PICALM: variants seen among roughly 807,000 people sequenced by gnomAD.
The protein encoded by PICALM is phosphatidylinositol binding clathrin assembly protein, also known as phosphatidylinositol-binding clathrin assembly protein.
PICALM carries 40 observed loss-of-function variants against 80.5 expected under a neutral mutation model. The ratio of observed to expected loss-of-function variants is 0.50; its 90% CI spans 0.39 to 0.65. The LOEUF (loss-of-function observed/expected upper bound fraction) is 0.65, where lower values mean the gene tolerates loss of function less well. Among genes scored for constraint, PICALM ranks in the 30% least tolerant of loss-of-function variants. The probability of loss-of-function intolerance (pLI) is 0.00; values close to 1 mark genes in which losing one functional copy is unlikely to be tolerated. For missense variants in PICALM, 676 were observed against 778.9 expected (o/e 0.87, Z 1.57); for synonymous variants, 288 against 260.3 (o/e 1.11, Z -1.02).
chr11:86,046,805 T>C (rs2096078867), intron 1 of PICALM, among the ~76,000 whole-genome samples: 1 of 152,162 alleles, frequency 6.6e-6, no homozygotes, highest in Non-Finnish European at 1.5e-5. Context: ...ATGCAGCCAA[T>C]TTTTAAATTT....
intron 5 of PICALM, among the ~76,000 whole-genome samples, chr11:86,014,247 T>G (rs1282228611): frequency 6.6e-6 from 1 of 152,150 alleles, no homozygotes; most frequent in East Asian, 1.9e-4. Flanking sequence ...ATTCACTAAC[T>G]TGCACTCACA....
chr11:86,013,071 G>A (rs1261698580), intron 5 of PICALM, among the ~76,000 whole-genome samples: 1 of 152,162 alleles, frequency 6.6e-6, no homozygotes, highest in Non-Finnish European at 1.5e-5. Context: ...TGAGGCCGAG[G>A]CAGGAGGATT....
At chr11:85,963,720 A>G (rs568982497) in intron 19 of PICALM, among the ~76,000 whole-genome samples, 1 of 152,286 alleles carries the variant, frequency 6.6e-6, no homozygotes, top group Admixed American at 6.5e-5. Context: ...TCTTTGCATT[A>G]TATCCAGAGC....
intron 13 of PICALM, 135 bp from the exon 14 acceptor site, chr11:85,984,108 T>C (rs1427045221): frequency 5.3e-6 from 3 of 569,588 alleles, no homozygotes; most frequent in African/African-American, 2.0e-5. Flanking sequence ...TCAAGCAAAA[T>C]GTTTTCTATA....
chr11:86,044,719 A>C (rs1032911269), intron 1 of PICALM, among the ~76,000 whole-genome samples: 1 of 152,218 alleles, frequency 6.6e-6, no homozygotes, highest in Non-Finnish European at 1.5e-5. Flanking sequence ...TGAGCTAGGA[A>C]GCATTACTGC....
intron 19 of PICALM, among the ~76,000 whole-genome samples, chr11:85,960,055 T>G (rs917543441): frequency 6.6e-6 from 1 of 152,130 alleles, no homozygotes; most frequent in Non-Finnish European, 1.5e-5. Flanking sequence ...TGATATACAA[T>G]TAGAGACAAT....
chr11:85,983,882 A>G lies in PICALM; in HGVS notation c.1500T>C (p.Val500=). The change falls in exon 14 of 20, where the codon GTT becomes GTC. Residue 500 remains valine (V), a synonymous_variant. Coordinates refer to ENST00000393346, the MANE Select transcript of PICALM (RefSeq NM_007166.4). ...ESVFGNKSTN[V]IVDSGGFDEL... is the part of the protein sequence containing the mutation. The stretch of plus-strand genomic sequence containing the variant: ...TTTCCTTACCCCCAGAATCTACAAT[A>G]ACATTTGTAGATTTATTTCCAAACA... 2 of 1,531,568 alleles carry G rather than the reference A, an allele frequency of 1.3e-6. No individual in the cohort carries two copies. The highest frequency in any genetic ancestry group is 1.8e-6 in the Non-Finnish European group (2 of 1,109,782). The allele number at this position is 1,531,568 out of a possible 1,614,324, so 94.9% of individuals were successfully genotyped here. A position where few individuals can be genotyped will look rare whatever the true frequency, so the allele number is the denominator to read the frequency against.
rs1555120028 is a variant in PICALM at position 86,037,259 on chromosome 11, A to AAT, written c.131-5649_131-5648insAT. Reference sequence around the variant, plus strand: ...CACACCCAGCCAAAAAAAAAAGAAAATTTTTTTTTTTTTTTTTTGAGACGG... The same window carrying AAT: ...CACACCCAGCCAAAAAAAAAAGAAAAATTTTTTTTTTTTTTTTTTTGAGACGG... On this transcript the variant is annotated intron_variant, in intron 1 of 19. Transcript: ENST00000393346. 1.4e-3 allele frequency among the ~76,000 whole-genome samples: 151 copies of AAT among 106,032 alleles called. 5 individuals carry two copies. The highest frequency in any genetic ancestry group is 2.0e-3 in the Non-Finnish European group (111 of 55,348). The allele number at this position is 106,032 out of a possible 152,430, so 69.6% of individuals were successfully genotyped here. A position where few individuals can be genotyped will look rare whatever the true frequency, so the allele number is the denominator to read the frequency against.
At chr11:85,980,565 CAT>C (rs1313276728) in intron 17 of PICALM, among the ~76,000 whole-genome samples, 1 of 151,926 alleles carries the variant, frequency 6.6e-6, no homozygotes, top group East Asian at 1.9e-4. Flanking sequence ...AGTTATATGA[CAT>C]ATATATAATT....
At chr11:86,027,529 G>A (rs111309964) in intron 2 of PICALM, among the ~76,000 whole-genome samples, 24,331 of 146,210 alleles carry the variant, frequency 0.17, 2,516 homozygotes, top group Middle Eastern at 0.25. Context: ...ACAGGGTCTC[G>A]CTCTGTCATC....
intron 3 of PICALM, among the ~76,000 whole-genome samples, chr11:86,023,835 T>C (rs1169308656): frequency 1.3e-5 from 2 of 152,146 alleles, no homozygotes; most frequent in Non-Finnish European, 2.9e-5. Flanking sequence ...CTGTTTAAGA[T>C]TTCAAAAAGA....
At position 86,029,405 on chromosome 11, in the gene PICALM, T is replaced by C. The variant is rs1421111148; in HGVS notation, c.273+2064A>G. 3.9e-5 allele frequency among the ~76,000 whole-genome samples: 6 copies of C among 152,244 alleles called. No individual in the cohort carries two copies. The South Asian group carries it at 8.3e-4, about 21-fold the overall frequency. On this transcript the variant is annotated intron_variant, in intron 2 of 19. Transcript: ENST00000393346. ...ACAAACTAGCATAAAAACCTGAAGG[T>C]TGTACAAACCAGCATAAAAAATGAA...
intron 1 of PICALM, among the ~76,000 whole-genome samples, chr11:86,038,781 A>C (rs1436735726): frequency 6.6e-6 from 1 of 151,748 alleles, no homozygotes; most frequent in Non-Finnish European, 1.5e-5. Context: ...CATCTCAGAA[A>C]AAAAAAAAAG....
chr11:85,967,325 G>A (rs1283339789), intron 19 of PICALM, among the ~76,000 whole-genome samples: 2 of 152,092 alleles, frequency 1.3e-5, no homozygotes, highest in South Asian at 2.1e-4. Flanking sequence ...CAGGCACCCC[G>A]GACTTTAAGA....
chr11:86,008,653 T>TTTGAG (rs1170850424), intron 7 of PICALM, among the ~76,000 whole-genome samples: 3 of 152,018 alleles, frequency 2.0e-5, no homozygotes, highest in African/African-American at 7.2e-5. Context: ...AAATTCATTA[T>TTTGAG]TACTCAGATG....
chr11:86,040,340 CTCTT>C (rs951764518), intron 1 of PICALM, among the ~76,000 whole-genome samples: 33 of 152,080 alleles, frequency 2.2e-4, no homozygotes, highest in East Asian at 9.6e-4. Context: ...CAGATTACTT[CTCTT>C]TCTAATAACT....
chr11:85,981,856 T>A lies in PICALM; in HGVS notation c.1648+16A>T. ...AACAACATAAAAGAAGATTAACGTA[T>A]CCAAAGACTACTTACTGCCCACAAG... On this transcript the variant is annotated intron_variant, in intron 15 of 19. Transcript: ENST00000393346. 1.2e-6 allele frequency: 2 copies of A among 1,613,124 alleles called. No individual in the cohort carries two copies. The highest frequency in any genetic ancestry group is 2.2e-5 in the South Asian group (2 of 91,078).
intron 1 of PICALM, among the ~76,000 whole-genome samples, chr11:86,035,476 A>G (rs772244795): frequency 6.6e-6 from 1 of 152,212 alleles, no homozygotes; most frequent in African/African-American, 2.4e-5. Context: ...GGCCTAAACC[A>G]GTATTTGTTT....
intron 6 of PICALM, 137 bp downstream of exon 6, chr11:86,012,144 T>C (rs902831064): frequency 2.3e-6 from 1 of 437,402 alleles, no homozygotes; most frequent in African/African-American, 2.0e-5. Context: ...TATAAAACTC[T>C]TTTCTCCAAA....
Sources: allele counts gnomAD v4.1 joint callset (sites outside exome capture counted in the v4.1 genomes callset), GRCh38; gene constraint gnomAD v4.1.1; transcripts MANE v1.5; gene names NCBI Gene and HGNC (gene_info 2026-07-23, HGNC 2026-07-21).